The following GPC6 variants were observed in gnomAD, a reference collection of about 807,000 sequenced individuals.
GPC6 encodes glypican-6.
A neutral mutation model predicts 55.2 loss-of-function variants in GPC6; 14 were observed. The ratio of observed to expected loss-of-function variants is 0.25; its 90% CI spans 0.17 to 0.40. GPC6 has a LOEUF of 0.40. Ranked by LOEUF, GPC6 falls within the 10% of genes least tolerant of loss-of-function variation. The pLI, the probability that GPC6 is intolerant of heterozygous loss-of-function variation, is 1.00. For synonymous variants in GPC6, 278 were observed against 259.6 expected (o/e 1.07, Z -0.68); for missense variants, 641 against 708.5 (o/e 0.90, Z 1.08).
At chr13:93,888,967 TACA>T (rs1412164202) in intron 3 of GPC6, among the ~76,000 whole-genome samples, 7 of 152,034 alleles carry the variant, frequency 4.6e-5, no homozygotes, top group Non-Finnish European at 7.4e-5. Flanking sequence ...AAGATATATT[TACA>T]ATAATAGCCA....
intron 4 of GPC6, among the ~76,000 whole-genome samples, chr13:94,163,928 G>A (rs1468288192): frequency 6.6e-6 from 1 of 152,190 alleles, no homozygotes; most frequent in East Asian, 1.9e-4. Flanking sequence ...GAATAAATAT[G>A]CAGTGTGTAG....
chr13:93,663,090 G>T (rs1434000279), intron 2 of GPC6, among the ~76,000 whole-genome samples: 2 of 121,738 alleles, frequency 1.6e-5, no homozygotes, highest in Non-Finnish European at 3.2e-5. Flanking sequence ...GCCAGTGACT[G>T]GTTGCAAAAA....
In GPC6 at chr13:93,547,306, A is replaced by T. The variant is rs561974122; in HGVS notation, c.319+1885A>T. Among the ~76,000 whole-genome samples the T allele has an allele frequency of 1.3e-3, 204 of 152,334 alleles. 1 individual carries two copies. The highest frequency in any genetic ancestry group is 4.7e-3 in the African/African-American group (195 of 41,582). On this transcript the variant is annotated intron_variant, in intron 2 of 8. Coordinates refer to ENST00000377047, the MANE Select transcript of GPC6 (RefSeq NM_005708.5). ...GGTTGCAGTGAGCCGAGATCGTGCC[A>T]GTACACTCCAGCCTGGGCAACAGAG...
chr13:94,010,801 A>G (rs1882213405), intron 3 of GPC6, among the ~76,000 whole-genome samples: 1 of 152,154 alleles, frequency 6.6e-6, no homozygotes, highest in Admixed American at 6.6e-5. Flanking sequence ...GGCTTTATAG[A>G]ATTCTTTTTA....
chr13:93,516,986 C>A (rs1040426702), intron 1 of GPC6, among the ~76,000 whole-genome samples: 5 of 152,088 alleles, frequency 3.3e-5, no homozygotes, highest in African/African-American at 1.2e-4. Context: ...ATGTTCTATG[C>A]CAGGCATTAT....
At chr13:93,835,860 A>G (rs1043409269) in intron 3 of GPC6, among the ~76,000 whole-genome samples, 2 of 152,206 alleles carry the variant, frequency 1.3e-5, no homozygotes, top group Non-Finnish European at 2.9e-5. Flanking sequence ...AAGTCATCTC[A>G]TTGATTTATT....
intron 2 of GPC6, among the ~76,000 whole-genome samples, chr13:93,611,147 TACTC>T (rs1363393792): frequency 4.6e-5 from 7 of 152,146 alleles, no homozygotes; most frequent in African/African-American, 1.4e-4. Flanking sequence ...TGTAAGAAAT[TACTC>T]ACTCGAGTAC....
intron 3 of GPC6, among the ~76,000 whole-genome samples, chr13:93,859,161 G>A: frequency 6.6e-6 from 1 of 151,378 alleles, no homozygotes; most frequent in East Asian, 2.0e-4. Context: ...TGGCATTATT[G>A]TCCAGTCTTA....
intron 2 of GPC6, among the ~76,000 whole-genome samples, chr13:93,811,371 G>T (rs1219612690): frequency 1.3e-5 from 2 of 152,194 alleles, no homozygotes; most frequent in Non-Finnish European, 2.9e-5. Context: ...TAGACTGAAA[G>T]ATCCACTGGT....
chr13:93,449,214 G>T (rs1412538900), intron 1 of GPC6, among the ~76,000 whole-genome samples: 2 of 151,582 alleles, frequency 1.3e-5, no homozygotes, highest in Non-Finnish European at 3.0e-5. Flanking sequence ...ATAAGGAAGG[G>T]TCCGAGATGA....
At chr13:94,270,049 T>C (rs1891942088) in intron 4 of GPC6, among the ~76,000 whole-genome samples, 1 of 152,178 alleles carries the variant, frequency 6.6e-6, no homozygotes, top group South Asian at 2.1e-4. Flanking sequence ...ACACATAGAA[T>C]GTCTGCTTGA....
intron 2 of GPC6, among the ~76,000 whole-genome samples, chr13:93,712,468 G>A (rs952554609): frequency 2.0e-5 from 3 of 151,582 alleles, no homozygotes; most frequent in African/African-American, 7.3e-5. Flanking sequence ...TTTTGTTTTG[G>A]CTTTGGGTAC....
chr13:94,360,237 GT>G lies in GPC6; in HGVS notation c.1153-22173del, dbSNP rs143481081. Among the ~76,000 whole-genome samples, 716 of 152,302 alleles carry G rather than the reference GT, an allele frequency of 4.7e-3. 16 individuals are homozygous for G. The East Asian group carries it at 0.073, about 16-fold the overall frequency. On this transcript the variant is annotated intron_variant, in intron 6 of 8. Coordinates refer to ENST00000377047, the MANE Select transcript of GPC6 (RefSeq NM_005708.5). ...CTTGCCTGTTAGAGAAATGGCATAAGTTTTATGGTATTGTGCATCTAGAATG... is the reference window on the plus strand; with the variant it reads ...CTTGCCTGTTAGAGAAATGGCATAAGTTTATGGTATTGTGCATCTAGAATG...
chr13:94,082,811 A>G (rs562649773), intron 4 of GPC6, among the ~76,000 whole-genome samples: 2 of 152,316 alleles, frequency 1.3e-5, no homozygotes, highest in South Asian at 4.1e-4. Context: ...GCAACGTTTC[A>G]TCTGTAGACC....
At chr13:93,311,863 T>C (rs965895006) in intron 1 of GPC6, among the ~76,000 whole-genome samples, 11 of 152,146 alleles carry the variant, frequency 7.2e-5, no homozygotes, top group African/African-American at 2.7e-4. Flanking sequence ...CTCGCCTGGA[T>C]GTCGGTTAAC....
intron 1 of GPC6, among the ~76,000 whole-genome samples, chr13:93,412,292 A>G (rs1245535805): frequency 1.3e-5 from 2 of 152,182 alleles, no homozygotes; most frequent in Non-Finnish European, 2.9e-5. Context: ...TTTCAAGACA[A>G]TAGTATTAAT....
intron 6 of GPC6, among the ~76,000 whole-genome samples, chr13:94,333,935 G>C (rs1353948185): frequency 6.6e-6 from 1 of 152,202 alleles, no homozygotes; most frequent in East Asian, 1.9e-4. Context: ...TGTACAGAGA[G>C]CAGAGAAGGA....
At chr13:93,849,329 C>G (rs1399486895) in intron 3 of GPC6, among the ~76,000 whole-genome samples, 1 of 152,072 alleles carries the variant, frequency 6.6e-6, no homozygotes, top group Non-Finnish European at 1.5e-5. Context: ...TACTATAGTT[C>G]TTTCTAAAAC....
chr13:94,302,719 T>TGGAG (rs1357298622), intron 5 of GPC6, among the ~76,000 whole-genome samples: 2 of 152,208 alleles, frequency 1.3e-5, no homozygotes, highest in African/African-American at 4.8e-5. Context: ...ACTTCTGTAA[T>TGGAG]GGAGGGGTCC....
Sources: allele counts gnomAD v4.1 joint callset (sites outside exome capture counted in the v4.1 genomes callset), GRCh38; gene constraint gnomAD v4.1.1; transcripts MANE v1.5; gene names NCBI Gene and HGNC (gene_info 2026-07-23, HGNC 2026-07-21).